HSF1: variants seen among roughly 807,000 people sequenced by gnomAD.
The protein encoded by HSF1 is heat shock transcription factor 1.
HSF1 carries 32 observed loss-of-function variants against 51.7 expected under a neutral mutation model. That is an observed-to-expected ratio of 0.62 (90% confidence interval 0.47 to 0.83). The LOEUF is 0.83. HSF1 is among the 40% of genes least tolerant of loss of function. The pLI, the probability that HSF1 is intolerant of heterozygous loss-of-function variation, is 0.00. For synonymous variants in HSF1, 396 were observed against 309.7 expected, an observed-to-expected ratio of 1.28 and a Z score of -2.92; for missense variants, 727 against 717.0, an observed-to-expected ratio of 1.01 and a Z score of -0.16.
rs149369456 is a variant in HSF1 at position 144,297,519 on chromosome 8, T to C, written c.117+5645T>C. Among the ~76,000 whole-genome samples, 12 of 152,306 alleles carry C rather than the reference T, an allele frequency of 7.9e-5. No individual in the cohort carries two copies. Among genetic ancestry groups the C allele is most frequent in the Non-Finnish European group, 1.5e-4 (10 of 68,024 alleles). ...ATGAGAAAGGTGCGGGTGGCTCAGA[T>C]GTGGACAGAACCAGACCAGGGAACG... On this transcript the variant is annotated intron_variant, in intron 1 of 12. Transcript: ENST00000528838. This position sits in a 1 kb window ranked among gnomAD's most constrained non-coding sequence, Gnocchi z 4.6.
At position 144,313,612 on chromosome 8, in the gene HSF1, T is replaced by C. The variant is rs782766046; in HGVS notation, c.1244T>C (p.Leu415Pro). 2 of 1,579,284 alleles carry C rather than the reference T, an allele frequency of 1.3e-6. No homozygotes were observed. The highest frequency in any genetic ancestry group is 1.1e-5 in the South Asian group (1 of 89,946). Residue 415 changes from leucine to proline, a missense_variant, in exon 10 of 13, where the codon CTG becomes CCG. Transcript: ENST00000528838. Reference sequence around the variant, plus strand: ...TTCAGCGTGGACACCAGTGCCCTGCTGGACGTGAGTGGAGCCCCGCCGCCC... The same window carrying C: ...TTCAGCGTGGACACCAGTGCCCTGCCGGACGTGAGTGGAGCCCCGCCGCCC... ...HGFSVDTSALLDLFSPSVTVP... is the reference protein window; with the variant it reads ...HGFSVDTSALPDLFSPSVTVP...
chr8:144,306,018 C>T (rs1554843259), intron 1 of HSF1, among the ~76,000 whole-genome samples: 1 of 152,038 alleles, frequency 6.6e-6, no homozygotes, highest in Non-Finnish European at 1.5e-5. Flanking sequence ...AGGCGTGAGC[C>T]ACCGCGCCCG....
In HSF1 at chr8:144,314,702, A is replaced by G. The variant is rs911347812; in HGVS notation, c.*372A>G. ...ACGGACAAGACAGGCAGAGATCTAT[A>G]AACAGACAGGCTCTATGCTATGGCC... On this transcript the variant is annotated 3_prime_UTR_variant, in exon 13 of 13. Transcript: ENST00000528838. The G allele has an allele frequency of 7.6e-6, 2 of 262,384 alleles. No homozygotes were observed. Among genetic ancestry groups the G allele is most frequent in the African/African-American group, 2.2e-5 (1 of 46,354 alleles). The allele number at this position is 262,384 out of a possible 1,614,324, so 16.3% of individuals were successfully genotyped here. A position where few individuals can be genotyped will look rare whatever the true frequency, so the allele number is the denominator to read the frequency against.
intron 1 of HSF1, among the ~76,000 whole-genome samples, chr8:144,295,852 G>A (rs782421411): frequency 7.2e-5 from 11 of 152,100 alleles, no homozygotes; most frequent in Non-Finnish European, 1.0e-4. Flanking sequence ...TTGAGCCACC[G>A]CGCCTGGCCC....
chr8:144,293,091 T>C (rs1352260208), intron 1 of HSF1, among the ~76,000 whole-genome samples: 4 of 152,208 alleles, frequency 2.6e-5, no homozygotes, highest in Non-Finnish European at 5.9e-5. Flanking sequence ...GCTGAGTGCC[T>C]CCCATTTGCA....
chr8:144,306,109 ATC>A (rs1816212711), intron 1 of HSF1, among the ~76,000 whole-genome samples: 1 of 152,076 alleles, frequency 6.6e-6, no homozygotes, highest in Non-Finnish European at 1.5e-5. Context: ...TACAATTTTT[ATC>A]TCTTTATTGA....
intron 6 of HSF1, 49 bp downstream of exon 6, chr8:144,311,431 C>A: frequency 6.2e-7 from 1 of 1,611,476 alleles, no homozygotes; most frequent in East Asian, 2.2e-5. Flanking sequence ...CCAGGGCTGT[C>A]CCCCTTCTCT....
chr8:144,291,793 C>T lies in HSF1; in HGVS notation c.36C>T (p.Pro12=). 1 of 1,546,162 alleles carries T rather than the reference C, an allele frequency of 6.5e-7. No individual in the cohort carries two copies. Residue 12 remains proline, a synonymous_variant, in exon 1 of 13, where the codon CCC becomes CCT. Coordinates refer to ENST00000528838, the MANE Select transcript of HSF1 (RefSeq NM_005526.4). This position sits in a 1 kb window ranked among gnomAD's most constrained non-coding sequence, Gnocchi z 4.1. ...CCGTGGGCCCCGGCGCGGCGGGGCC[C>T]AGCAACGTCCCGGCCTTCCTGACCA... ...DLPVGPGAAG[P]SNVPAFLTKL... is the part of the protein sequence containing the mutation.
chr8:144,311,816 C>A lies in HSF1; in HGVS notation c.840C>A (p.Pro280=). Residue 280 remains proline (P), a synonymous_variant, in exon 8 of 13, where the codon CCC becomes CCA. Transcript: ENST00000528838. ...CTCCTGCCAGCCCCATGGCCTCCCC[C>A]GGCGGGAGCATAGACGAGAGGTGGG... ...ELAPASPMAS[P]GGSIDERPLS... 1 of 1,610,326 alleles carries A rather than the reference C, an allele frequency of 6.2e-7. No individual in the cohort carries two copies.
chr8:144,294,649 A>G (rs1306008768), intron 1 of HSF1, among the ~76,000 whole-genome samples: 2 of 152,216 alleles, frequency 1.3e-5, no homozygotes, highest in Non-Finnish European at 1.5e-5. Flanking sequence ...CCCTGGCCTG[A>G]GATCAGGACT....
chr8:144,293,758 C>G (rs1027572156), intron 1 of HSF1, among the ~76,000 whole-genome samples: 7 of 151,340 alleles, frequency 4.6e-5, no homozygotes, highest in Non-Finnish European at 1.5e-5. Flanking sequence ...TTCTTATTCC[C>G]CTTAATCCTC....
chr8:144,308,924 G>C lies in HSF1; in HGVS notation c.136G>C (p.Val46Leu). ...CTTTCAGAGCGGGAACAGCTTCCAC[G>C]TGTTCGACCAGGGCCAGTTTGCCAA... ...CWSPSGNSFH[V>L]FDQGQFAKEV... The change falls in exon 2 of 13, where the codon GTG becomes CTG. Residue 46 changes from valine to leucine, a missense_variant. Physicochemically the swap from Val to Leu is conservative, Grantham distance 32 (BLOSUM62 1). This residue lies in a region of HSF1 where 257 missense variants were observed against 318.3 expected (regional missense o/e 0.81). Transcript: ENST00000528838. 3.1e-6 allele frequency: 5 copies of C among 1,614,096 alleles called. No individual in the cohort carries two copies. Among genetic ancestry groups the C allele is most frequent in the Non-Finnish European group, 4.2e-6 (5 of 1,179,926 alleles).
chr8:144,310,294 A>C, intron 4 of HSF1: 1 of 173,246 alleles, frequency 5.8e-6, no homozygotes. Flanking sequence ...GCTGTCCCAC[A>C]CTCGCCTGGG....
chr8:144,309,169 G>T, intron 2 of HSF1, 155 bp downstream of exon 2: 1 of 691,168 alleles, frequency 1.4e-6, no homozygotes, highest in Non-Finnish European at 2.5e-6. Flanking sequence ...GGGAGCAGCC[G>T]CCTCTTCCAT....
chr8:144,291,888 G>A lies in HSF1; in HGVS notation c.117+14G>A, dbSNP rs782817491. ...TGCTGGAGCCCGGTGAGGGCAGCGC[G>A]CGGGCGCGGGGCCCGTGGGGACCGG... On this transcript the variant is annotated intron_variant, in intron 1 of 12. Transcript: ENST00000528838. The surrounding 1 kb of genome is among the most constrained non-coding windows in gnomAD (Gnocchi z 4.1). The A allele has an allele frequency of 3.4e-6, 5 of 1,457,626 alleles. No individual in the cohort carries two copies. The highest frequency in any genetic ancestry group is 4.6e-6 in the Non-Finnish European group (5 of 1,096,768). 90.3% of individuals were successfully genotyped at this position (1,457,626 alleles called of 1,614,324 possible).
chr8:144,311,146 C>A (rs782675794), intron 4 of HSF1, 28 bp from the exon 5 acceptor site: 19 of 1,573,246 alleles, frequency 1.2e-5, no homozygotes, highest in Middle Eastern at 1.7e-4. Flanking sequence ...GGGATTGGGC[C>A]CCACTGACCC....
intron 1 of HSF1, among the ~76,000 whole-genome samples, chr8:144,302,534 T>C (rs1815958888): frequency 6.8e-6 from 1 of 147,570 alleles, no homozygotes; most frequent in Non-Finnish European, 1.5e-5. Flanking sequence ...TAATAATAAA[T>C]AAAACGCAAG....
At position 144,311,416 on chromosome 8, in the gene HSF1, G is replaced by A. The variant is rs191328537; in HGVS notation, c.626+34G>A. ...TTGGGGATGCCTGCATCCACCACCC[G>A]GGGCCCAGGGCTGTCCCCCTTCTCT... is the stretch of plus-strand genomic sequence containing the variant. On this transcript the variant is annotated intron_variant, in intron 6 of 12. Transcript: ENST00000528838. 3.2e-4 allele frequency: 522 copies of A among 1,613,120 alleles called. 6 individuals carry two copies. The East Asian group carries it at 7.0e-3, about 21-fold the overall frequency.
intron 1 of HSF1, among the ~76,000 whole-genome samples, chr8:144,301,324 C>T (rs993923125): frequency 9.2e-5 from 14 of 151,876 alleles, no homozygotes; most frequent in African/African-American, 1.2e-4. Context: ...GAGGCTGAGG[C>T]GGGAGGATCA....
Sources: allele counts gnomAD v4.1 joint callset (sites outside exome capture counted in the v4.1 genomes callset), GRCh38; gene constraint gnomAD v4.1.1; regional missense constraint gnomAD v4.1.1; non-coding constraint Gnocchi (gnomAD v3.1); transcripts MANE v1.5; gene names NCBI Gene and HGNC (gene_info 2026-07-23, HGNC 2026-07-21).